Variants in CSMD1 observed in about 807,000 individuals in gnomAD.
The protein encoded by CSMD1 is CUB and sushi domain-containing protein 1.
CSMD1 carries 213 observed loss-of-function variants against 417.5 expected under a neutral mutation model. The ratio of observed to expected loss-of-function variants is 0.51; its 90% CI spans 0.46 to 0.57. The LOEUF (loss-of-function observed/expected upper bound fraction) is 0.57. CSMD1 is among the 20% of genes least tolerant of loss of function. The probability of loss-of-function intolerance (pLI) is 0.00; values close to 1 mark genes in which losing one functional copy is unlikely to be tolerated. For synonymous variants in CSMD1, 2,862 were observed against 1,736.8 expected (o/e 1.65, Z -16.11); for missense variants, 6,923 against 4,529.7 (o/e 1.53, Z -15.17).
intron 5 of CSMD1, among the ~76,000 whole-genome samples, chr8:3,789,603 G>A (rs1464133279): frequency 1.3e-5 from 2 of 151,206 alleles, no homozygotes; most frequent in Non-Finnish European, 2.9e-5. Context: ...TAGAGATACT[G>A]AATAATTCTT....
chr8:4,841,011 G>T (rs763015127), intron 1 of CSMD1, among the ~76,000 whole-genome samples: 1 of 152,178 alleles, frequency 6.6e-6, no homozygotes, highest in Non-Finnish European at 1.5e-5. Flanking sequence ...AGCGTTTGCC[G>T]TCAGCCCCCT....
intron 1 of CSMD1, among the ~76,000 whole-genome samples, chr8:4,801,963 C>CA (rs1489411810): frequency 6.6e-6 from 1 of 152,150 alleles, no homozygotes; most frequent in East Asian, 1.9e-4. Flanking sequence ...CTCTTCCTTT[C>CA]ATATTTACTG....
intron 7 of CSMD1, among the ~76,000 whole-genome samples, chr8:3,625,760 G>A (rs757918590): frequency 6.6e-6 from 1 of 152,104 alleles, no homozygotes; most frequent in African/African-American, 2.4e-5. Flanking sequence ...TATGATCTCA[G>A]TAGTTTTGAA....
intron 3 of CSMD1, among the ~76,000 whole-genome samples, chr8:4,221,787 A>C (rs886369444): frequency 6.6e-6 from 1 of 152,188 alleles, no homozygotes; most frequent in African/African-American, 2.4e-5. Context: ...ATACATTCTG[A>C]AAGGTGGACC....
At chr8:4,238,973 G>A (rs563591946) in intron 3 of CSMD1, among the ~76,000 whole-genome samples, 5 of 152,168 alleles carry the variant, frequency 3.3e-5, no homozygotes, top group Admixed American at 2.0e-4. Context: ...ACAGCCCAGA[G>A]TCCCATTTTC....
chr8:3,746,227 T>C (rs999730952), intron 6 of CSMD1, among the ~76,000 whole-genome samples: 2 of 152,362 alleles, frequency 1.3e-5, no homozygotes, highest in Admixed American at 6.5e-5. Context: ...GAATAAGTTC[T>C]TCCTCCACAT....
At chr8:4,889,079 G>A (rs972547910) in intron 1 of CSMD1, among the ~76,000 whole-genome samples, 2 of 152,070 alleles carry the variant, frequency 1.3e-5, no homozygotes, top group East Asian at 1.9e-4. Flanking sequence ...CCCAGTGAAT[G>A]AACGTTTGAT....
At chr8:3,737,887 G>C (rs545389564) in intron 6 of CSMD1, among the ~76,000 whole-genome samples, 107 of 152,276 alleles carry the variant, frequency 7.0e-4, no homozygotes, top group Non-Finnish European at 1.3e-3. Context: ...TGCCCAGTGA[G>C]AATTCCCTCA....
chr8:3,496,144 T>A (rs140920814), intron 10 of CSMD1, among the ~76,000 whole-genome samples: 1 of 152,160 alleles, frequency 6.6e-6, no homozygotes, highest in Non-Finnish European at 1.5e-5. Flanking sequence ...CCTTTGTAAG[T>A]GAGAACATGC....
At chr8:3,899,106 A>T (rs539530864) in intron 5 of CSMD1, among the ~76,000 whole-genome samples, 1 of 152,228 alleles carries the variant, frequency 6.6e-6, no homozygotes, top group Non-Finnish European at 1.5e-5. Flanking sequence ...GTTTTAATGC[A>T]TAAGTACTGA....
At chr8:4,731,076 G>A (rs969510083) in intron 1 of CSMD1, among the ~76,000 whole-genome samples, 1 of 152,194 alleles carries the variant, frequency 6.6e-6, no homozygotes, top group African/African-American at 2.4e-5. Flanking sequence ...CTCCTGCTGA[G>A]AGAGACCATT....
chr8:4,167,323 G>C (rs868812517), intron 3 of CSMD1, among the ~76,000 whole-genome samples: 10 of 152,088 alleles, frequency 6.6e-5, no homozygotes, highest in African/African-American at 1.4e-4. Context: ...GTAACTTAGA[G>C]GTATCTAAGT....
At chr8:4,219,587 T>C (rs967983096) in intron 3 of CSMD1, among the ~76,000 whole-genome samples, 1 of 152,196 alleles carries the variant, frequency 6.6e-6, no homozygotes, top group East Asian at 1.9e-4. Flanking sequence ...TTGGTCTCAA[T>C]TTCTACGGTT....
At chr8:3,540,953 T>C (rs1051682036) in intron 10 of CSMD1, among the ~76,000 whole-genome samples, 5 of 152,178 alleles carry the variant, frequency 3.3e-5, no homozygotes, top group South Asian at 2.1e-4. Flanking sequence ...AGTTCAACCA[T>C]TGTGGAGGAC....
chr8:3,652,620 G>T (rs1433887160), intron 7 of CSMD1, among the ~76,000 whole-genome samples: 1 of 152,168 alleles, frequency 6.6e-6, no homozygotes, highest in African/African-American at 2.4e-5. Flanking sequence ...TCGCGCAAGG[G>T]AGCTCCCATT....
chr8:3,084,754 T>A (rs1310742304), intron 49 of CSMD1, among the ~76,000 whole-genome samples: 1 of 151,994 alleles, frequency 6.6e-6, no homozygotes, highest in East Asian at 1.9e-4. Flanking sequence ...AAAACTTTTA[T>A]AATTCCTTCC....
intron 46 of CSMD1, among the ~76,000 whole-genome samples, chr8:3,099,895 AT>A (rs1815608479): frequency 6.6e-6 from 1 of 152,204 alleles, no homozygotes; most frequent in Non-Finnish European, 1.5e-5. Flanking sequence ...GTAGCAGATA[AT>A]TTGTAGAGAA....
intron 1 of CSMD1, among the ~76,000 whole-genome samples, chr8:4,829,748 A>G (rs1800040279): frequency 6.6e-6 from 1 of 151,974 alleles, no homozygotes; most frequent in Non-Finnish European, 1.5e-5. Context: ...AAAAAAAAAA[A>G]AAAAAAAAGA....
chr8:4,348,387 C>T (rs1323421148), intron 3 of CSMD1, among the ~76,000 whole-genome samples: 2 of 151,948 alleles, frequency 1.3e-5, no homozygotes, highest in Admixed American at 6.6e-5. Flanking sequence ...GTTTAAAGAA[C>T]GTTGCAGGTC....
Sources: allele counts gnomAD v4.1 joint callset (sites outside exome capture counted in the v4.1 genomes callset), GRCh38; gene constraint gnomAD v4.1.1; transcripts MANE v1.5; gene names NCBI Gene and HGNC (gene_info 2026-07-23, HGNC 2026-07-21).